The following OVGP1 variants were observed in gnomAD, a reference collection of about 807,000 sequenced individuals.
OVGP1 encodes the protein oviductal glycoprotein 1, also known as oviduct-specific glycoprotein.
OVGP1 carries 26 observed loss-of-function variants against 48.2 expected under a neutral mutation model. That is an observed-to-expected ratio of 0.54 (90% CI 0.40 to 0.75). OVGP1 has a LOEUF of 0.75. Ranked by LOEUF, OVGP1 falls within the 30% of genes least tolerant of loss-of-function variation. The pLI is 0.00. For missense variants in OVGP1, 791 were observed against 820.6 expected (o/e 0.96, Z 0.44); for synonymous variants, 294 against 305.7 (o/e 0.96, Z 0.40).
At chr1:111,418,783 G>C (rs1319937687) in intron 9 of OVGP1, among the ~76,000 whole-genome samples, 2 of 152,152 alleles carry the variant, frequency 1.3e-5, no homozygotes, top group African/African-American at 4.8e-5. Context: ...TTCTAAAATA[G>C]TTTCCAAAGT....
chr1:111,421,092 A>G (rs967624243), intron 8 of OVGP1, among the ~76,000 whole-genome samples, 184 bp downstream of exon 8: 2 of 152,056 alleles, frequency 1.3e-5, no homozygotes, highest in African/African-American at 2.4e-5. Flanking sequence ...CTTACAAAGG[A>G]CTCAAATAAC....
At chr1:111,420,548 G>A (rs139655829) in intron 8 of OVGP1, among the ~76,000 whole-genome samples, 6 of 152,302 alleles carry the variant, frequency 3.9e-5, no homozygotes, top group East Asian at 1.9e-4. Flanking sequence ...AGTCCTTCCC[G>A]TCTAGTCATT....
At position 111,417,717 on chromosome 1, in the gene OVGP1, G is replaced by GA. The variant is rs199730097; in HGVS notation, c.1021-1260dup. Among the ~76,000 whole-genome samples the GA allele has an allele frequency of 4.4e-3, 671 of 151,648 alleles. 4 individuals carry two copies. The highest frequency in any genetic ancestry group is 0.015 in the African/African-American group (608 of 41,312). ...GAGGACAGAATATTTATTACTCACAGAAAAAAAACAAAACAAAATAGCCAG... is the reference window on the plus strand; with the variant it reads ...GAGGACAGAATATTTATTACTCACAGAAAAAAAAACAAAACAAAATAGCCAG... On this transcript the variant is annotated intron_variant, in intron 9 of 10. Transcript: ENST00000369732.
At chr1:111,417,976 G>A (rs1418218633) in intron 9 of OVGP1, among the ~76,000 whole-genome samples, 1 of 152,138 alleles carries the variant, frequency 6.6e-6, no homozygotes, top group Non-Finnish European at 1.5e-5. Flanking sequence ...AATCATTGAA[G>A]GTAAACAAAT....
intron 9 of OVGP1, among the ~76,000 whole-genome samples, chr1:111,418,574 G>A (rs892233018): frequency 3.3e-5 from 5 of 152,060 alleles, no homozygotes; most frequent in African/African-American, 9.7e-5. Context: ...CCGTTAACAG[G>A]AGAACTGTGA....
rs1652079989 is a variant in OVGP1 at position 111,414,777 on chromosome 1, GTCA to G, written c.1721_1723del (p.Val574_Thr575delinsAla). The G allele has an allele frequency of 3.1e-6, 5 of 1,607,216 alleles. No individual in the cohort carries two copies. The Admixed American group carries it at 8.4e-5, about 27-fold the overall frequency. Reference sequence around the variant, plus strand: ...GACTGATATGTTTCTGGAGGGGACAGTCACCTTTTCACGGGCCACAGCCTTCCT... The same window carrying G: ...GACTGATATGTTTCTGGAGGGGACAGCCTTTTCACGGGCCACAGCCTTCCT... On this transcript the variant is annotated inframe_deletion, in exon 11 of 11. Transcript: ENST00000369732.
Position 111,426,440 on chromosome 1 carries a change from T to G in OVGP1, c.257A>C (p.Glu86Ala), listed in dbSNP as rs1301148803. Residue 86 changes from glutamate to alanine, a missense_variant, in exon 3 of 11, where the codon GAG becomes GCG. By Grantham distance (107) the Glu-to-Ala change is moderately radical. Transcript: ENST00000369732. ...CCCACATCCAATATGAACACACCTC[T>G]CCTTTAGTTTGTTGAACTCTGGGTA... ...ILYPEFNKLKERNRELKTLLS... is the reference protein window; with the variant it reads ...ILYPEFNKLKARNRELKTLLS... 2.7e-5 allele frequency: 43 copies of G among 1,613,968 alleles called. No individual in the cohort carries two copies. The highest frequency in any genetic ancestry group is 3.5e-5 in the Non-Finnish European group (41 of 1,179,976).
At chr1:111,418,566 G>A (rs1195901397) in intron 9 of OVGP1, among the ~76,000 whole-genome samples, 3 of 152,076 alleles carry the variant, frequency 2.0e-5, no homozygotes, top group Non-Finnish European at 4.4e-5. Flanking sequence ...CTGCATCACC[G>A]TTAACAGGAG....
rs762013771 is a variant in OVGP1, at chr1:111,421,344, C to A, written c.835G>T (p.Ala279Ser). The change falls in exon 8 of 11, where the codon GCC becomes TCC. Residue 279 changes from alanine to serine, a missense_variant. Physicochemically the swap from Ala to Ser is moderately conservative, Grantham distance 99 (BLOSUM62 1). Coordinates refer to ENST00000369732, the MANE Select transcript of OVGP1 (RefSeq NM_002557.4). ...GGAGATGCTGGTCCGATCGCTCTGG[C>A]CTGCAACCCATTCTTAGAGGCTTTG... is the stretch of plus-strand genomic sequence containing the variant. ...LLKASKNGLQARAIGPASPGK... is the reference protein window; with the variant it reads ...LLKASKNGLQSRAIGPASPGK... The A allele has an allele frequency of 1.9e-6, 3 of 1,614,106 alleles. No individual in the cohort carries two copies. Among genetic ancestry groups the A allele is most frequent in the African/African-American group, 1.3e-5 (1 of 75,050 alleles).
chr1:111,415,147 T>A lies in OVGP1; in HGVS notation c.1354A>T (p.Thr452Ser). ...AGGGATACAGTTTCCTTTGTAGGGGTCACAGTTGTACCTCTAGGGGTTATA... is the reference window on the plus strand; with the variant it reads ...AGGGATACAGTTTCCTTTGTAGGGGACACAGTTGTACCTCTAGGGGTTATA... ...MTITPRGTTV[T>S]PTKETVSLGK... The change falls in exon 11 of 11, where the codon ACC becomes TCC. Residue 452 changes from threonine (T) to serine (S), a missense_variant. By Grantham distance (58) the Thr-to-Ser change is moderately conservative (BLOSUM62 1). Transcript: ENST00000369732. 6.2e-7 allele frequency: 1 copy of A among 1,614,120 alleles called. No homozygotes were observed. Among genetic ancestry groups the A allele is most frequent in the East Asian group, 2.2e-5 (1 of 44,876 alleles).
At chr1:111,419,540 G>A in intron 9 of OVGP1, 70 bp downstream of exon 9, 1 of 900,880 alleles carries the variant, frequency 1.1e-6, no homozygotes, top group Non-Finnish European at 1.9e-6. Context: ...TACATGCATT[G>A]TACAAATAAG....
Position 111,415,282 on chromosome 1 carries a change from C to T in OVGP1, c.1219G>A (p.Asp407Asn). The change falls in exon 11 of 11, where the codon GAC (aspartate) becomes AAC (asparagine). Residue 407 changes from aspartate to asparagine, a missense_variant. Transcript: ENST00000369732. ...GTGGTCACAGCCAGCCTTTCAGGGTCAGTGCTTGAAGAATTCACAGCAGAT... is the reference window on the plus strand; with the variant it reads ...GTGGTCACAGCCAGCCTTTCAGGGTTAGTGCTTGAAGAATTCACAGCAGAT... ...LSSAVNSSSTDPERLAVTTAW... is the reference protein window; with the variant it reads ...LSSAVNSSSTNPERLAVTTAW... The T allele has an allele frequency of 6.2e-7, 1 of 1,614,106 alleles. No individual in the cohort carries two copies.
intron 3 of OVGP1, among the ~76,000 whole-genome samples, chr1:111,426,023 TACA>T (rs1201653190): frequency 4.6e-5 from 7 of 152,172 alleles, no homozygotes; most frequent in Admixed American, 2.6e-4. Flanking sequence ...CCACTGGGGA[TACA>T]ACAACACAGC....
chr1:111,426,344 T>C, intron 3 of OVGP1, 93 bp downstream of exon 3: 2 of 1,568,160 alleles, frequency 1.3e-6, no homozygotes, highest in Admixed American at 1.7e-5. Flanking sequence ...CTGGAAGAAA[T>C]AGAAGAAAGT....
intron 8 of OVGP1, among the ~76,000 whole-genome samples, 187 bp downstream of exon 8, chr1:111,421,089 A>G (rs1014450516): frequency 1.3e-5 from 2 of 152,202 alleles, no homozygotes; most frequent in African/African-American, 4.8e-5. Flanking sequence ...TCCCTTACAA[A>G]GGACTCAAAT....
At chr1:111,418,664 A>G (rs1202116478) in intron 9 of OVGP1, among the ~76,000 whole-genome samples, 1 of 152,114 alleles carries the variant, frequency 6.6e-6, no homozygotes, top group Non-Finnish European at 1.5e-5. Flanking sequence ...TGCTCCTTCC[A>G]ACTACCCTAG....
Position 111,415,066 on chromosome 1 carries a change from T to C in OVGP1, c.1435A>G (p.Met479Val), listed in dbSNP as rs3767607. The C allele has an allele frequency of 0.079, 127,193 of 1,613,900 alleles. 6,427 individuals carry two copies. The highest frequency in any genetic ancestry group is 0.26 in the East Asian group (11,480 of 44,862). Residue 479 changes from methionine to valine, a missense_variant, in exon 11 of 11, where the codon ATG (methionine) becomes GTG (valine). Physicochemically the swap from Met to Val is conservative, Grantham distance 21. Transcript: ENST00000369732. ...ATGGACTGATGACCCACAGAAGTCA[T>C]GGTCATTGCCCCAGTGATCTCAGTC... ...EKTEITGAMT[M>V]TSVGHQSMTP...
chr1:111,421,382 G>T lies in OVGP1; in HGVS notation c.797C>A (p.Thr266Asn), dbSNP rs1399038915. Residue 266 changes from threonine to asparagine, a missense_variant, in exon 8 of 11, where the codon ACC becomes AAC. By Grantham distance (65) the Thr-to-Asn change is moderately conservative. Coordinates refer to ENST00000369732, the MANE Select transcript of OVGP1 (RefSeq NM_002557.4). ...LIMGIPTYGR[T>N]FRLLKASKNG... ...CTTAGAGGCTTTGAGGAGGCGAAAG[G>T]TACGTCCATAGGTGGGGATCCCCAT... 7.4e-6 allele frequency: 12 copies of T among 1,614,114 alleles called. No individual in the cohort carries two copies. The highest frequency in any genetic ancestry group is 1.7e-4 in the Middle Eastern group (1 of 6,060).
chr1:111,427,308 A>G, intron 1 of OVGP1: 5 of 985,366 alleles, frequency 5.1e-6, no homozygotes, highest in Non-Finnish European at 6.0e-6. Flanking sequence ...TTTGATAAAC[A>G]TGTGTATATG....
Sources: gnomAD v4.1 joint callset for allele counts (sites outside exome capture counted in the v4.1 genomes callset) on GRCh38, gnomAD v4.1.1 for gene constraint, MANE v1.5 for transcripts, NCBI Gene and HGNC (gene_info 2026-07-23, HGNC 2026-07-21) for gene names.